CPEB1: variants seen among roughly 807,000 people sequenced by gnomAD.
CPEB1 encodes the protein cytoplasmic polyadenylation element-binding protein 1.
In CPEB1, 7 loss-of-function variants were observed where a neutral mutation model predicts 65.8. The ratio of observed to expected loss-of-function variants is 0.11; its 90% confidence interval spans 0.06 to 0.20. The LOEUF (loss-of-function observed/expected upper bound fraction) is 0.20, where lower values mean the gene tolerates loss of function less well. Ranked by LOEUF, CPEB1 falls within the 10% of genes least tolerant of loss-of-function variation. The probability of loss-of-function intolerance (pLI) is 1.00; values close to 1 mark genes in which losing one functional copy is unlikely to be tolerated. For missense variants in CPEB1, 551 were observed against 712.2 expected (o/e 0.77, Z 2.58); for synonymous variants, 262 against 260.0 (o/e 1.01, Z -0.08).
At chr15:82,567,573 T>G (rs1451515540) in intron 4 of CPEB1, among the ~76,000 whole-genome samples, 1 of 151,372 alleles carries the variant, frequency 6.6e-6, no homozygotes, top group Admixed American at 6.6e-5. Context: ...GAGGCAGAGG[T>G]TGCAGTGAGC....
chr15:82,593,813 T>C (rs545932063), intron 3 of CPEB1, among the ~76,000 whole-genome samples: 94 of 152,322 alleles, frequency 6.2e-4, no homozygotes, highest in African/African-American at 2.2e-3. Context: ...AAATCATTAA[T>C]CTCCTTGTAC....
chr15:82,641,241 A>C (rs915485790), intron 1 of CPEB1, among the ~76,000 whole-genome samples: 1 of 152,140 alleles, frequency 6.6e-6, no homozygotes, highest in Admixed American at 6.6e-5. Context: ...TTTAAAAAAA[A>C]ACAAAAACAA....
chr15:82,582,344 A>G (rs1040420660), intron 3 of CPEB1, among the ~76,000 whole-genome samples: 5 of 152,210 alleles, frequency 3.3e-5, no homozygotes, highest in African/African-American at 1.2e-4. Context: ...CATGCAGGAT[A>G]AAAATCTCTG....
intron 1 of CPEB1, chr15:82,633,237 A>G (rs1242668685): frequency 6.6e-6 from 1 of 152,254 alleles, no homozygotes; most frequent in African/African-American, 2.4e-5. Flanking sequence ...AAACAAAAAC[A>G]ATTCTTTAAT....
intron 3 of CPEB1, among the ~76,000 whole-genome samples, chr15:82,595,577 C>T (rs950331201): frequency 5.9e-5 from 9 of 152,178 alleles, no homozygotes; most frequent in Non-Finnish European, 1.0e-4. Context: ...CACATTAAAT[C>T]TATGAGTTCA....
chr15:82,629,936 G>T (rs2046098892), intron 1 of CPEB1: 2 of 985,350 alleles, frequency 2.0e-6, no homozygotes, highest in Non-Finnish European at 2.4e-6. Flanking sequence ...TGCAAACTGT[G>T]AAGACGACCA....
chr15:82,624,816 A>G (rs2045615505), intron 3 of CPEB1, among the ~76,000 whole-genome samples: 1 of 148,336 alleles, frequency 6.7e-6, no homozygotes, highest in East Asian at 2.0e-4. Flanking sequence ...GTCATTGTTG[A>G]ATTGTTGAGT....
chr15:82,550,867 A>T (rs2036120754), intron 9 of CPEB1, among the ~76,000 whole-genome samples: 1 of 152,068 alleles, frequency 6.6e-6, no homozygotes, highest in African/African-American at 2.4e-5. Flanking sequence ...GAGGAAGGAG[A>T]ACTGCATCAG....
intron 3 of CPEB1, among the ~76,000 whole-genome samples, chr15:82,614,815 A>T: frequency 6.6e-6 from 1 of 151,954 alleles, no homozygotes; most frequent in Non-Finnish European, 1.5e-5. Flanking sequence ...TTACAGTATA[A>T]ACAGAAAACC....
chr15:82,627,570 A>C (rs753956209), intron 2 of CPEB1, among the ~76,000 whole-genome samples: 3 of 152,162 alleles, frequency 2.0e-5, no homozygotes, highest in Non-Finnish European at 4.4e-5. Flanking sequence ...TTTGTGGAAA[A>C]ATTTCCACAA....
rs2416629 is a variant in CPEB1, at chr15:82,543,463, A to T, written c.*1129T>A. The T allele has an allele frequency of 0.36, 34,684 of 95,538 alleles. 4,651 individuals are homozygous for T. The highest frequency in any genetic ancestry group is 0.42 in the African/African-American group (9,483 of 22,480). The allele number at this position is 95,538 out of a possible 1,614,324, so 5.9% of individuals were successfully genotyped here. On this transcript the variant is annotated 3_prime_UTR_variant, in exon 13 of 13. Transcript: ENST00000684509. ...TTTGTGGGTTTTTTGTTTCTTTTTA[A>T]AAAAAAAAAAAAAAAAAAAAAGGAA...
intron 1 of CPEB1, among the ~76,000 whole-genome samples, chr15:82,644,462 G>A (rs1037805110): frequency 1.3e-5 from 2 of 152,178 alleles, no homozygotes; most frequent in Non-Finnish European, 2.9e-5. Context: ...AATCCAAAAC[G>A]GATGTTTTAA....
chr15:82,606,592 G>A (rs1223208781), intron 3 of CPEB1, among the ~76,000 whole-genome samples: 1 of 116,670 alleles, frequency 8.6e-6, no homozygotes, highest in Non-Finnish European at 1.8e-5. Context: ...GCCGAGGCGG[G>A]CGGATCACGA....
At chr15:82,589,882 C>T (rs2042084235) in intron 3 of CPEB1, among the ~76,000 whole-genome samples, 2 of 152,128 alleles carry the variant, frequency 1.3e-5, no homozygotes, top group Admixed American at 6.6e-5. Flanking sequence ...TAACTATTTA[C>T]ACTGCATTAG....
chr15:82,624,764 G>C (rs1316217774), intron 3 of CPEB1, among the ~76,000 whole-genome samples: 1 of 152,022 alleles, frequency 6.6e-6, no homozygotes, highest in East Asian at 1.9e-4. Context: ...CTGTAAACTA[G>C]AAAAGTTTCC....
chr15:82,570,772 C>A (rs937948765), intron 4 of CPEB1, among the ~76,000 whole-genome samples: 2 of 152,012 alleles, frequency 1.3e-5, no homozygotes, highest in Non-Finnish European at 2.9e-5. Context: ...ACCCCACTCA[C>A]CCTGCCTACC....
chr15:82,629,688 T>C (rs1224721863), intron 1 of CPEB1: 1 of 985,244 alleles, frequency 1.0e-6, no homozygotes, highest in African/African-American at 1.7e-5. Flanking sequence ...TATCCTCAAT[T>C]ATCTTGCGGA....
At chr15:82,576,911 G>A (rs1362394078) in intron 3 of CPEB1, among the ~76,000 whole-genome samples, 1 of 152,180 alleles carries the variant, frequency 6.6e-6, no homozygotes. Flanking sequence ...TGTAGTCACA[G>A]CTACTTGGGT....
intron 4 of CPEB1, chr15:82,562,420 G>A (rs1255159750): frequency 3.8e-6 from 1 of 266,628 alleles, no homozygotes; most frequent in Admixed American, 4.9e-5. Flanking sequence ...CAGGAGATGT[G>A]TATACACATT....
Sources: gnomAD v4.1 joint callset for allele counts (sites outside exome capture counted in the v4.1 genomes callset) on GRCh38, gnomAD v4.1.1 for gene constraint, MANE v1.5 for transcripts, NCBI Gene and HGNC (gene_info 2026-07-23, HGNC 2026-07-21) for gene names.